Variants in LOC122539214 observed in about 807,000 individuals in gnomAD.
the LOC122539214 span, among the ~76,000 whole-genome samples, chr19:52,665,685 CCA>C: frequency 6.6e-6 from 1 of 152,118 alleles, no homozygotes; most frequent in Non-Finnish European, 1.5e-5. Context: ...ACCACTCACC[CCA>C]TCACTCTTTT....
At chr19:52,666,171 A>AG in the LOC122539214 span, among the ~76,000 whole-genome samples, 1 of 151,284 alleles carries the variant, frequency 6.6e-6, no homozygotes, top group Admixed American at 6.6e-5. Flanking sequence ...CTCAAAAAAA[A>AG]AAAAAAAGAA....
chr19:52,660,569 G>A, the LOC122539214 span, among the ~76,000 whole-genome samples: 842 of 152,206 alleles, frequency 5.5e-3, 6 homozygotes, highest in African/African-American at 0.019. Context: ...AGTGATCCCA[G>A]ATTGCTCCAG....
chr19:52,652,892 T>C, the LOC122539214 span: 1 of 1,086,210 alleles, frequency 9.2e-7, no homozygotes, highest in Non-Finnish European at 1.4e-6. Flanking sequence ...TCATTGCACT[T>C]GTAAGGTTTC....
the LOC122539214 span, among the ~76,000 whole-genome samples, chr19:52,676,461 C>T: frequency 6.6e-6 from 1 of 152,004 alleles, no homozygotes; most frequent in Non-Finnish European, 1.5e-5. Context: ...ATGTGAGGAG[C>T]CTGCCCCGGC....
At chr19:52,655,252 C>T in the LOC122539214 span, 1 of 298,150 alleles carries the variant, frequency 3.4e-6, no homozygotes, top group African/African-American at 2.2e-5. Flanking sequence ...GTCATGCTTT[C>T]TAGCTCATCT....
the LOC122539214 span, among the ~76,000 whole-genome samples, chr19:52,663,791 A>G: frequency 2.2e-4 from 33 of 152,260 alleles, no homozygotes; most frequent in African/African-American, 8.0e-4. Context: ...ATGTGAGGTC[A>G]AAGAAGAAAA....
the LOC122539214 span, among the ~76,000 whole-genome samples, chr19:52,678,687 TC>T: frequency 6.6e-6 from 1 of 151,882 alleles, no homozygotes; most frequent in African/African-American, 2.4e-5. Context: ...ATCAAAAATA[TC>T]TTTGTAGGCC....
the LOC122539214 span, among the ~76,000 whole-genome samples, chr19:52,670,472 TA>T: frequency 6.6e-6 from 1 of 152,176 alleles, no homozygotes; most frequent in Non-Finnish European, 1.5e-5. Context: ...TCTATATAAG[TA>T]AATTGCCTTT....
the LOC122539214 span, among the ~76,000 whole-genome samples, chr19:52,681,191 A>G: frequency 6.8e-6 from 1 of 147,318 alleles, no homozygotes; most frequent in African/African-American, 2.5e-5. Context: ...AAGCTGAGGT[A>G]GGAGAATCTC....
the LOC122539214 span, chr19:52,653,084 T>C: frequency 0.021 from 31,085 of 1,472,618 alleles, 417 homozygotes; most frequent in Middle Eastern, 0.034. Context: ...CCAGTATGAA[T>C]TGCCTTATGA....
chr19:52,676,367 A>G, the LOC122539214 span, among the ~76,000 whole-genome samples: 3 of 152,186 alleles, frequency 2.0e-5, no homozygotes, highest in East Asian at 3.9e-4. Context: ...TTGGCCTCCC[A>G]AAGTGCCGAG....
At chr19:52,671,510 CACTGCT>C in the LOC122539214 span, among the ~76,000 whole-genome samples, 1 of 151,738 alleles carries the variant, frequency 6.6e-6, no homozygotes, top group South Asian at 2.1e-4. Context: ...GTGGCAGGAA[CACTGCT>C]CCTTGCACCC....
chr19:52,675,078 A>G, the LOC122539214 span, among the ~76,000 whole-genome samples: 3 of 152,358 alleles, frequency 2.0e-5, no homozygotes, highest in South Asian at 4.1e-4. Flanking sequence ...AGGGGCATCT[A>G]ATCACCAATG....
chr19:52,672,111 G>A, the LOC122539214 span, among the ~76,000 whole-genome samples: 1 of 152,106 alleles, frequency 6.6e-6, no homozygotes, highest in Non-Finnish European at 1.5e-5. Context: ...GCACAAAACT[G>A]TAATCTCAGC....
At chr19:52,675,948 T>C in the LOC122539214 span, among the ~76,000 whole-genome samples, 1 of 152,078 alleles carries the variant, frequency 6.6e-6, no homozygotes, top group African/African-American at 2.4e-5. Context: ...TCCCACCACT[T>C]TGGGAGGCCG....
the LOC122539214 span, chr19:52,653,332 T>C: frequency 4.7e-6 from 6 of 1,265,866 alleles, no homozygotes; most frequent in South Asian, 5.9e-5. Flanking sequence ...CTCTCCAGTA[T>C]GAACTCTCTG....
the LOC122539214 span, among the ~76,000 whole-genome samples, chr19:52,688,942 G>A: frequency 2.1e-5 from 2 of 96,868 alleles, no homozygotes; most frequent in African/African-American, 8.2e-5. Flanking sequence ...TCCAGAGCAA[G>A]GTTGAAGGAA....
chr19:52,653,426 T>C, the LOC122539214 span: 2 of 826,494 alleles, frequency 2.4e-6, no homozygotes. Context: ...TGAACTCTGT[T>C]ATGGCGTGAA....
the LOC122539214 span, among the ~76,000 whole-genome samples, chr19:52,689,134 C>T: frequency 6.6e-6 from 1 of 152,166 alleles, no homozygotes; most frequent in East Asian, 1.9e-4. Context: ...ATTACACAAC[C>T]TGTCACTGTA....
Sources: allele counts gnomAD v4.1 joint callset (sites outside exome capture counted in the v4.1 genomes callset), GRCh38; gene constraint gnomAD v4.1.1; transcripts MANE v1.5.